Variants in KREMEN1 observed in about 807,000 individuals in gnomAD.
KREMEN1 encodes the protein kringle containing transmembrane protein 1.
KREMEN1 carries 30 observed loss-of-function variants against 46.5 expected under a neutral mutation model. The observed-to-expected ratio is 0.65, with a 90% CI of 0.48 to 0.88. The LOEUF (loss-of-function observed/expected upper bound fraction) is 0.88, where lower values mean the gene tolerates loss of function less well. KREMEN1 is among the 40% of genes least tolerant of loss of function. The pLI, the probability that KREMEN1 is intolerant of heterozygous loss-of-function variation, is 0.00. For synonymous variants in KREMEN1, 214 were observed against 230.6 expected, an observed-to-expected ratio of 0.93 and a Z score of 0.65; for missense variants, 533 against 596.9, an observed-to-expected ratio of 0.89 and a Z score of 1.11.
At chr22:29,129,699 A>T (rs1161156081) in intron 5 of KREMEN1, among the ~76,000 whole-genome samples, 1 of 152,148 alleles carries the variant, frequency 6.6e-6, no homozygotes, top group Non-Finnish European at 1.5e-5. Flanking sequence ...GCTCTTTGGC[A>T]GACAGACGAC....
rs1292834671 is a variant in KREMEN1 at position 29,145,933 on chromosome 22, C to G, written c.*3821C>G. The G allele has an allele frequency of 1.0e-6, 1 of 985,826 alleles. No homozygotes were observed. The highest frequency in any genetic ancestry group is 1.2e-6 in the Non-Finnish European group (1 of 830,022). 61.1% of individuals were successfully genotyped at this position (985,826 alleles called of 1,614,324 possible). ...GCCCCACTGTCAGCCCAGGCAGGAG[C>G]CTTCCTGGCCGGGCTCAGGATCTGC... is the stretch of plus-strand genomic sequence containing the variant. On this transcript the variant is annotated 3_prime_UTR_variant, in exon 9 of 9. Transcript: ENST00000400335.
chr22:29,080,942 T>TTCTTC (rs1556001092), intron 1 of KREMEN1, among the ~76,000 whole-genome samples: 14 of 10,580 alleles, frequency 1.3e-3, no homozygotes, highest in African/African-American at 1.0e-2. Flanking sequence ...TTTTTTGTCC[T>TTCTTC]TTTTTTTTTT....
In KREMEN1 at chr22:29,146,036, C is replaced by T. The variant is rs539754348; in HGVS notation, c.*3924C>T. On this transcript the variant is annotated 3_prime_UTR_variant, in exon 9 of 9. Coordinates refer to ENST00000400335, the MANE Select transcript of KREMEN1 (RefSeq NM_001039570.3). ...CTTACTCTTCACAAGCACTTATACG[C>T]GGATGGCCTCCGAGACCCTGCCTCC... 1.8e-4 allele frequency: 175 copies of T among 985,952 alleles called. 1 individual carries two copies. Among genetic ancestry groups the T allele is most frequent in the Non-Finnish European group, 2.0e-4 (163 of 830,026 alleles). 61.1% of individuals were successfully genotyped at this position (985,952 alleles called of 1,614,324 possible).
rs563499749 is a variant in KREMEN1 at position 29,138,720 on chromosome 22, G to T, written c.1061G>T (p.Arg354Leu). 8.1e-6 allele frequency: 13 copies of T among 1,614,162 alleles called. No homozygotes were observed. The highest frequency in any genetic ancestry group is 7.7e-5 in the South Asian group (7 of 91,084). Residue 354 changes from arginine (R) to leucine (L), a missense_variant, in exon 7 of 9, where the codon CGG becomes CTG. Arg to Leu is a moderately radical substitution (Grantham distance 102, BLOSUM62 -2). Coordinates refer to ENST00000400335, the MANE Select transcript of KREMEN1 (RefSeq NM_001039570.3). ...EQANLSVSAA[R>L]SSKVLYVITT... ...GCCAACCTCAGTGTCAGCGCTGCCC[G>T]GTCCTCCAAAGTCCTCTATGTCATC...
chr22:29,094,242 CT>C lies in KREMEN1; in HGVS notation c.98-8del. The C allele has an allele frequency of 4.4e-6, 7 of 1,586,702 alleles. No individual in the cohort carries two copies. The highest frequency in any genetic ancestry group is 2.3e-5 in the East Asian group (1 of 44,422). On this transcript the variant is annotated splice_polypyrimidine_tract_variant and intron_variant, in intron 1 of 8. Coordinates refer to ENST00000400335, the MANE Select transcript of KREMEN1 (RefSeq NM_001039570.3). ...TTGCCAGAAAATTAGTTTGCTCTGT[CT>C]TTTTTTTCTTCTAGAGTGTTTCACA...
At chr22:29,159,124 GT>G (rs1162443966) in intron 9 of KREMEN1, among the ~76,000 whole-genome samples, 53 of 35,320 alleles carry the variant, frequency 1.5e-3, no homozygotes, top group African/African-American at 2.5e-3. Flanking sequence ...CCAGCCAAGT[GT>G]TTTTTTTTTT....
chr22:29,165,896 C>A (rs1378484504), intron 9 of KREMEN1, among the ~76,000 whole-genome samples: 3 of 152,176 alleles, frequency 2.0e-5, no homozygotes, highest in African/African-American at 7.2e-5. Context: ...GGGAGGGCGC[C>A]CGTTAGCAGC....
At chr22:29,135,572 T>C (rs2038643606) in intron 5 of KREMEN1, among the ~76,000 whole-genome samples, 1 of 152,204 alleles carries the variant, frequency 6.6e-6, no homozygotes, top group Admixed American at 6.5e-5. Flanking sequence ...TCAGGGGGAC[T>C]GTGGTCTGCT....
intron 3 of KREMEN1, among the ~76,000 whole-genome samples, chr22:29,104,962 C>T (rs577064512): frequency 1.3e-5 from 2 of 152,292 alleles, no homozygotes; most frequent in East Asian, 3.9e-4. Flanking sequence ...TGTCAAATGA[C>T]ATTTCTTAAG....
rs967892034 is a variant in KREMEN1, at chr22:29,144,473, A to C, written c.*2361A>C. On this transcript the variant is annotated 3_prime_UTR_variant, in exon 9 of 9. Coordinates refer to ENST00000400335, the MANE Select transcript of KREMEN1 (RefSeq NM_001039570.3). Reference sequence around the variant, plus strand: ...CACAGAGCTGCTCGGTGCAGCCTTCATGCTTTGATCTGGAAAGAGCAGCTG... The same window carrying C: ...CACAGAGCTGCTCGGTGCAGCCTTCCTGCTTTGATCTGGAAAGAGCAGCTG... 1 of 985,396 alleles carries C rather than the reference A, an allele frequency of 1.0e-6. No individual in the cohort carries two copies. Among genetic ancestry groups the C allele is most frequent in the African/African-American group, 1.7e-5 (1 of 57,248 alleles). The allele number at this position is 985,396 out of a possible 1,614,324, so 61.0% of individuals were successfully genotyped here. A position where few individuals can be genotyped will look rare whatever the true frequency, so the allele number is the denominator to read the frequency against.
In KREMEN1 at chr22:29,146,345, A is replaced by C. The variant is rs138999025; in HGVS notation, c.*4233A>C. On this transcript the variant is annotated 3_prime_UTR_variant, in exon 9 of 9. Coordinates refer to ENST00000400335, the MANE Select transcript of KREMEN1 (RefSeq NM_001039570.3). ...GACGGCTCCGGGGTGACAGGGCTTCACCCTCTGCCTGCAGACCCCTGGTGG... is the reference window on the plus strand; with the variant it reads ...GACGGCTCCGGGGTGACAGGGCTTCCCCCTCTGCCTGCAGACCCCTGGTGG... 1.8e-3 allele frequency: 1,780 copies of C among 985,612 alleles called. 28 individuals carry two copies. The African/African-American group carries it at 0.027, about 15-fold the overall frequency. 61.1% of individuals were successfully genotyped at this position (985,612 alleles called of 1,614,324 possible).
chr22:29,130,050 G>A (rs1417884675), intron 5 of KREMEN1, among the ~76,000 whole-genome samples: 1 of 152,236 alleles, frequency 6.6e-6, no homozygotes, highest in Non-Finnish European at 1.5e-5. Flanking sequence ...CAGTCATCTG[G>A]ATTGGACCTT....
At chr22:29,114,926 A>G (rs2038213331) in intron 3 of KREMEN1, among the ~76,000 whole-genome samples, 1 of 152,268 alleles carries the variant, frequency 6.6e-6, no homozygotes, top group Non-Finnish European at 1.5e-5. Flanking sequence ...GTTAAGTTTT[A>G]AAGTTAAGCT....
chr22:29,123,935 G>A (rs1156425832), intron 4 of KREMEN1, among the ~76,000 whole-genome samples: 2 of 152,048 alleles, frequency 1.3e-5, no homozygotes, highest in East Asian at 3.8e-4. Flanking sequence ...AACAAGTGCT[G>A]ACAAGGATAC....
At position 29,143,433 on chromosome 22, in the gene KREMEN1, C is replaced by G; in HGVS notation, c.*1321C>G. ...TGTGGTCCTTCCTTCTGGTGTCCCCCGTGTTAAAAGATAAAAAACACCCCA... is the reference window on the plus strand; with the variant it reads ...TGTGGTCCTTCCTTCTGGTGTCCCCGGTGTTAAAAGATAAAAAACACCCCA... On this transcript the variant is annotated 3_prime_UTR_variant, in exon 9 of 9. Transcript: ENST00000400335. 3 of 985,250 alleles carry G rather than the reference C, an allele frequency of 3.0e-6. No homozygotes were observed. The highest frequency in any genetic ancestry group is 3.6e-6 in the Non-Finnish European group (3 of 829,948). 61.0% of individuals were successfully genotyped at this position (985,250 alleles called of 1,614,324 possible). A position where few individuals can be genotyped will look rare whatever the true frequency, so the allele number is the denominator to read the frequency against.
At chr22:29,164,511 G>A (rs1201567691) in intron 9 of KREMEN1, among the ~76,000 whole-genome samples, 2 of 152,116 alleles carry the variant, frequency 1.3e-5, no homozygotes, top group Non-Finnish European at 2.9e-5. Flanking sequence ...GGAACTGGAG[G>A]CCAAGGCAGG....
intron 9 of KREMEN1, among the ~76,000 whole-genome samples, chr22:29,159,343 A>G (rs1569342900): frequency 6.6e-6 from 1 of 151,206 alleles, no homozygotes; most frequent in African/African-American, 2.4e-5. Flanking sequence ...ACCAAAGGCC[A>G]GGAGCGGTGG....
chr22:29,137,698 G>C, intron 6 of KREMEN1, 24 bp downstream of exon 6: 1 of 1,546,106 alleles, frequency 6.5e-7, no homozygotes, highest in East Asian at 2.3e-5. Flanking sequence ...GCCTCCTTGG[G>C]GGTTCTTCAG....
At position 29,142,130 on chromosome 22, in the gene KREMEN1, G is replaced by A. The variant is rs1556016829; in HGVS notation, c.*18G>A. The A allele has an allele frequency of 6.4e-7, 1 of 1,550,824 alleles. No individual in the cohort carries two copies. Among genetic ancestry groups the A allele is most frequent in the South Asian group, 1.2e-5 (1 of 81,206 alleles). On this transcript the variant is annotated 3_prime_UTR_variant, in exon 9 of 9. Coordinates refer to ENST00000400335, the MANE Select transcript of KREMEN1 (RefSeq NM_001039570.3). ...GTGACTAAAAACCCCACTGTGCCTA[G>A]GACTTGAGGTCCCTCTTTGAGCTCA...
Sources: gnomAD v4.1 joint callset for allele counts (sites outside exome capture counted in the v4.1 genomes callset) on GRCh38, gnomAD v4.1.1 for gene constraint, MANE v1.5 for transcripts, NCBI Gene and HGNC (gene_info 2026-07-23, HGNC 2026-07-21) for gene names.